The following CHAF1B variants were observed in gnomAD, a reference collection of about 807,000 sequenced individuals.
The protein encoded by CHAF1B is CAF-1 subunit B.
CHAF1B carries 10 observed loss-of-function variants against 60.7 expected under a neutral mutation model. The observed-to-expected ratio is 0.16, with a 90% CI of 0.10 to 0.28. The LOEUF is 0.28. Among genes scored for constraint, CHAF1B ranks in the 10% least tolerant of loss-of-function variants. CHAF1B has a pLI of 1.00. For synonymous variants in CHAF1B, 261 were observed against 266.1 expected (o/e 0.98, Z 0.19); for missense variants, 558 against 708.4 (o/e 0.79, Z 2.41).
intron 3 of CHAF1B, among the ~76,000 whole-genome samples, chr21:36,389,805 G>GCGCGCA (rs1461144860): frequency 6.6e-6 from 1 of 151,054 alleles, no homozygotes; most frequent in Non-Finnish European, 1.5e-5. Flanking sequence ...GTGTGTGCGC[G>GCGCGCA]CGCACGCTGA....
chr21:36,414,571 A>G (rs2086303029), intron 12 of CHAF1B, among the ~76,000 whole-genome samples: 1 of 152,170 alleles, frequency 6.6e-6, no homozygotes, highest in Non-Finnish European at 1.5e-5. Context: ...ATCTTTTGCA[A>G]ACAAGAATAG....
chr21:36,400,763 G>A (rs2086181293), intron 7 of CHAF1B, among the ~76,000 whole-genome samples: 1 of 152,176 alleles, frequency 6.6e-6, no homozygotes, highest in Non-Finnish European at 1.5e-5. Flanking sequence ...TTTAGGAATA[G>A]GAAGGATTTT....
rs2086321178 is a variant in CHAF1B at position 36,416,503 on chromosome 21, G to A, written c.*137G>A. On this transcript the variant is annotated 3_prime_UTR_variant, in exon 14 of 14. Transcript: ENST00000314103. Reference sequence around the variant, plus strand: ...TGGATTTCTATAACAGAAGTGACATGTGTACTGATTTTTCTCCAGAAATAT... The same window carrying A: ...TGGATTTCTATAACAGAAGTGACATATGTACTGATTTTTCTCCAGAAATAT... 2 of 581,244 alleles carry A rather than the reference G, an allele frequency of 3.4e-6. No individual in the cohort carries two copies. Among genetic ancestry groups the A allele is most frequent in the Middle Eastern group, 4.8e-4 (1 of 2,098 alleles). The allele number at this position is 581,244 out of a possible 1,614,324, so 36.0% of individuals were successfully genotyped here.
chr21:36,414,934 A>G (rs1441748922), intron 12 of CHAF1B, among the ~76,000 whole-genome samples: 1 of 152,208 alleles, frequency 6.6e-6, no homozygotes, highest in East Asian at 1.9e-4. Context: ...ATTTTAAAAA[A>G]GTATTACCTG....
intron 8 of CHAF1B, among the ~76,000 whole-genome samples, 168 bp downstream of exon 8, chr21:36,403,019 A>G (rs918753837): frequency 2.0e-5 from 3 of 152,164 alleles, no homozygotes; most frequent in African/African-American, 7.2e-5. Flanking sequence ...ATTGGTGCCT[A>G]TGTCCCATCC....
At position 36,394,590 on chromosome 21, in the gene CHAF1B, G is replaced by A. The variant is rs750611514; in HGVS notation, c.421G>A (p.Gly141Arg). The A allele has an allele frequency of 1.2e-6, 2 of 1,613,844 alleles. No homozygotes were observed. The highest frequency in any genetic ancestry group is 1.7e-6 in the Non-Finnish European group (2 of 1,179,858). ...GTATGATATTTGCTGGGCAACTGATGGGAATTTAATGGCTTCTGCCTCTGT... is the reference window on the plus strand; with the variant it reads ...GTATGATATTTGCTGGGCAACTGATAGGAATTTAATGGCTTCTGCCTCTGT... ...DVYDICWATDGNLMASASVDN... is the reference protein window; with the variant it reads ...DVYDICWATDRNLMASASVDN... Residue 141 changes from glycine to arginine, a missense_variant, in exon 5 of 14, where the codon GGG (glycine) becomes AGG (arginine). This residue lies in a region of CHAF1B where 325 missense variants were observed against 493.5 expected (regional missense o/e 0.66). Transcript: ENST00000314103.
chr21:36,404,391 G>T (rs918133412), intron 8 of CHAF1B, among the ~76,000 whole-genome samples: 1 of 147,668 alleles, frequency 6.8e-6, no homozygotes, highest in Non-Finnish European at 1.5e-5. Context: ...GAGCCACCAC[G>T]CCCGGCCCTT....
chr21:36,403,455 TAAA>T (rs71326686), intron 8 of CHAF1B, among the ~76,000 whole-genome samples: 8,752 of 76,790 alleles, frequency 0.11, 463 homozygotes, highest in African/African-American at 0.25. Flanking sequence ...ATATCTTATC[TAAA>T]AAAAAAAAAA....
At chr21:36,406,257 A>C (rs1478912995) in intron 8 of CHAF1B, among the ~76,000 whole-genome samples, 1 of 152,208 alleles carries the variant, frequency 6.6e-6, no homozygotes, top group Non-Finnish European at 1.5e-5. Flanking sequence ...GTCATTAAGA[A>C]GGTTGGGAAG....
chr21:36,405,458 A>G (rs1196610459), intron 8 of CHAF1B, among the ~76,000 whole-genome samples: 1 of 151,646 alleles, frequency 6.6e-6, no homozygotes, highest in Non-Finnish European at 1.5e-5. Flanking sequence ...ACAGGGTCTC[A>G]CTCTGTCACC....
chr21:36,404,315 G>A (rs1400878922), intron 8 of CHAF1B, among the ~76,000 whole-genome samples: 1 of 150,330 alleles, frequency 6.7e-6, no homozygotes, highest in Non-Finnish European at 1.5e-5. Context: ...TGGTCAGGCT[G>A]GTCTCAAACT....
Position 36,409,483 on chromosome 21 carries a change from G to A in CHAF1B, c.919+18G>A, listed in dbSNP as rs755490056. ...GGAAACAGGTATCCTCAGAGCCTCA[G>A]GGGTGTGTTATGTTTTCTCTCCGAA... is the stretch of plus-strand genomic sequence containing the variant. On this transcript the variant is annotated intron_variant, in intron 10 of 13. Transcript: ENST00000314103. 1 of 1,591,582 alleles carries A rather than the reference G, an allele frequency of 6.3e-7. No homozygotes were observed. Among genetic ancestry groups the A allele is most frequent in the African/African-American group, 1.3e-5 (1 of 74,476 alleles).
In CHAF1B at chr21:36,401,088, G is replaced by A. The variant is rs562204956; in HGVS notation, c.663+1483G>A. On this transcript the variant is annotated intron_variant, in intron 7 of 13. Transcript: ENST00000314103. ...TCGAGACTAGCCTGGCTAACATGGT[G>A]AAACCCTGTCTCTACTAGAAATACA... Among the ~76,000 whole-genome samples, 9 of 152,074 alleles carry A rather than the reference G, an allele frequency of 5.9e-5. No individual in the cohort carries two copies. The South Asian group carries it at 1.9e-3, about 32-fold the overall frequency.
Position 36,416,978 on chromosome 21 carries a change from A to G in CHAF1B, c.*612A>G, listed in dbSNP as rs887388364. The G allele has an allele frequency of 2.0e-5, 3 of 152,184 alleles. No individual in the cohort carries two copies. The highest frequency in any genetic ancestry group is 7.2e-5 in the African/African-American group (3 of 41,452). 9.4% of individuals were successfully genotyped at this position (152,184 alleles called of 1,614,324 possible). ...ATTTCCTTAGCATTTTTGTGGATCTATTTATTCTAAAAAGAGAATTGAGAT... is the reference window on the plus strand; with the variant it reads ...ATTTCCTTAGCATTTTTGTGGATCTGTTTATTCTAAAAAGAGAATTGAGAT... On this transcript the variant is annotated 3_prime_UTR_variant, in exon 14 of 14. Coordinates refer to ENST00000314103, the MANE Select transcript of CHAF1B (RefSeq NM_005441.3).
chr21:36,392,810 G>A lies in CHAF1B; in HGVS notation c.377+1142G>A, dbSNP rs184505046. Among the ~76,000 whole-genome samples the A allele has an allele frequency of 1.6e-3, 237 of 152,124 alleles. 2 individuals are homozygous for A. The highest frequency in any genetic ancestry group is 9.1e-3 in the Admixed American group (139 of 15,270). On this transcript the variant is annotated intron_variant, in intron 4 of 13. Coordinates refer to ENST00000314103, the MANE Select transcript of CHAF1B (RefSeq NM_005441.3). Reference sequence around the variant, plus strand: ...ACGCTACTCACTTCCTAGACGGGGTGGCGGCCGGGCAGAGGCTGCAATCTC... The same window carrying A: ...ACGCTACTCACTTCCTAGACGGGGTAGCGGCCGGGCAGAGGCTGCAATCTC...
chr21:36,389,681 TCTAAAGTTTTTTTTTGC>T (rs57596540), intron 3 of CHAF1B, among the ~76,000 whole-genome samples: 13,673 of 149,286 alleles, frequency 0.092, 1,209 homozygotes, highest in East Asian at 0.42. Context: ...AAAACAGAAA[TCTAAAGTTTTTTTTTGC>T]AGGAGGAGGA....
At chr21:36,401,282 G>GTA (rs1252977611) in intron 7 of CHAF1B, among the ~76,000 whole-genome samples, 4 of 143,576 alleles carry the variant, frequency 2.8e-5, no homozygotes, top group Non-Finnish European at 4.5e-5. Context: ...AAAAATATGT[G>GTA]TATATATATG....
At chr21:36,390,333 C>CAAAAGAAAAA (rs771597728) in intron 3 of CHAF1B, among the ~76,000 whole-genome samples, 2 of 81,916 alleles carry the variant, frequency 2.4e-5, no homozygotes, top group South Asian at 3.4e-4. Context: ...AACACCATCT[C>CAAAAGAAAAA]AAAAAAAAAA....
At chr21:36,402,873 T>G (rs368941131) in intron 8 of CHAF1B, 22 bp downstream of exon 8, 83 of 1,588,112 alleles carry the variant, frequency 5.2e-5, no homozygotes, top group Non-Finnish European at 7.0e-5. Context: ...AGCTTTGGAC[T>G]TAAAGGAATG....
Sources: gnomAD v4.1 joint callset for allele counts (sites outside exome capture counted in the v4.1 genomes callset) on GRCh38, gnomAD v4.1.1 for gene constraint, gnomAD v4.1.1 regional missense constraint, MANE v1.5 for transcripts, NCBI Gene and HGNC (gene_info 2026-07-23, HGNC 2026-07-21) for gene names.